FHL2: variants seen among roughly 807,000 people sequenced by gnomAD.
The protein encoded by FHL2 is four and a half LIM domains protein 2.
A neutral mutation model predicts 32.7 loss-of-function variants in FHL2; 20 were observed. The ratio of observed to expected loss-of-function variants is 0.61; its 90% CI spans 0.43 to 0.89. The LOEUF is 0.89. Among genes scored for constraint, FHL2 ranks in the 40% least tolerant of loss-of-function variants. The pLI is 0.00. For missense variants in FHL2, 311 were observed against 358.6 expected (o/e 0.87, Z 1.07); for synonymous variants, 123 against 128.1 (o/e 0.96, Z 0.27).
intron 5 of FHL2, among the ~76,000 whole-genome samples, chr2:105,365,868 A>C (rs1450566318): frequency 6.6e-6 from 1 of 151,990 alleles, no homozygotes; most frequent in African/African-American, 2.4e-5. Flanking sequence ...CAGAAGCATA[A>C]AAGGAGAGGA....
chr2:105,400,936 G>A (rs367831477), upstream of FHL2, among the ~76,000 whole-genome samples: 6 of 151,498 alleles, frequency 4.0e-5, no homozygotes, highest in East Asian at 3.9e-4. Flanking sequence ...AGTAAAATCC[G>A]GACTCTGGAA....
In FHL2 at chr2:105,410,710, C is replaced by T. The variant is rs114203116; in HGVS notation, c.-24-24170G>A. On this transcript the variant is annotated intron_variant, in intron 1 of 5. Transcript: ENST00000393352. ...AGCAGAGGGAAGTGTGTGGTATGTG[C>T]GTCTTCCTGTATCAGCTTGTGTTTC... 3.2e-3 allele frequency among the ~76,000 whole-genome samples: 486 copies of T among 152,136 alleles called. 6 individuals are homozygous for T. Among genetic ancestry groups the T allele is most frequent in the African/African-American group, 0.011 (463 of 41,492 alleles).
chr2:105,388,775 A>G (rs929701008), intron 2 of FHL2, among the ~76,000 whole-genome samples: 1 of 152,038 alleles, frequency 6.6e-6, no homozygotes, highest in Non-Finnish European at 1.5e-5. Flanking sequence ...TGGAGGTTGC[A>G]GTGAGCTGAG....
chr2:105,417,684 C>CAAAAAAAAAAAAAAAAAAA (rs11353319), intron 1 of FHL2, among the ~76,000 whole-genome samples: 1 of 89,396 alleles, frequency 1.1e-5, no homozygotes, highest in Non-Finnish European at 2.2e-5. Context: ...ACTCCATCTC[C>CAAAAAAAAAAAAAAAAAAA]AAAAAAAAAA....
chr2:105,407,174 C>T (rs1683658867), intron 1 of FHL2, among the ~76,000 whole-genome samples: 1 of 152,132 alleles, frequency 6.6e-6, no homozygotes, highest in African/African-American at 2.4e-5. Context: ...GGGTGGATCA[C>T]AAGGTCAAGA....
intron 3 of FHL2, among the ~76,000 whole-genome samples, chr2:105,383,465 TAGAG>T (rs1251926288): frequency 1.3e-5 from 2 of 152,236 alleles, no homozygotes; most frequent in African/African-American, 2.4e-5. Flanking sequence ...AGTGGCTACA[TAGAG>T]AGGATGTTCA....
downstream of FHL2, chr2:105,360,301 C>CA (rs878876756): frequency 0.19 from 18,929 of 100,862 alleles, 1,625 homozygotes; most frequent in Admixed American, 0.25. Context: ...GACTCTGTCT[C>CA]AAAAAAAAAA....
chr2:105,428,700 T>C (rs1419664523), intron 1 of FHL2, among the ~76,000 whole-genome samples: 1 of 152,188 alleles, frequency 6.6e-6, no homozygotes, highest in East Asian at 1.9e-4. Context: ...GTTGCCACGC[T>C]CTCCCTGGTC....
chr2:105,430,332 A>G (rs6750100), intron 1 of FHL2, among the ~76,000 whole-genome samples: 49,845 of 152,016 alleles, frequency 0.33, 8,467 homozygotes, highest in African/African-American at 0.43. Context: ...CCTCCCTTAA[A>G]GCAGGTCAGA....
chr2:105,427,690 G>C (rs1573408300), intron 1 of FHL2, among the ~76,000 whole-genome samples: 1 of 152,176 alleles, frequency 6.6e-6, no homozygotes, highest in African/African-American at 2.4e-5. Context: ...GAGAGTGTTT[G>C]AGGTTGCAGG....
intron 1 of FHL2, among the ~76,000 whole-genome samples, chr2:105,429,048 C>A (rs931747478): frequency 2.6e-5 from 4 of 152,164 alleles, no homozygotes; most frequent in Non-Finnish European, 5.9e-5. Context: ...CTTTGGCGTC[C>A]TATACTGCAG....
intron 1 of FHL2, among the ~76,000 whole-genome samples, chr2:105,433,942 G>A (rs60670857): frequency 0.022 from 3,381 of 152,174 alleles, 61 homozygotes; most frequent in East Asian, 0.1. Context: ...AGAGAAGTGA[G>A]GTAGCCCTTG....
intron 3 of FHL2, among the ~76,000 whole-genome samples, chr2:105,382,862 T>TG (rs1482639359): frequency 1.3e-5 from 2 of 152,176 alleles, no homozygotes; most frequent in Non-Finnish European, 2.9e-5. Context: ...AGCAGCTGTC[T>TG]CTGGAGTTAT....
At chr2:105,395,986 T>C (rs1683099385) in intron 2 of FHL2, among the ~76,000 whole-genome samples, 1 of 152,038 alleles carries the variant, frequency 6.6e-6, no homozygotes, top group East Asian at 1.9e-4. Flanking sequence ...GACATCCCCA[T>C]GCAGAGAGCA....
intron 1 of FHL2, among the ~76,000 whole-genome samples, chr2:105,428,164 T>G (rs892624744): frequency 6.6e-6 from 1 of 152,202 alleles, no homozygotes; most frequent in Non-Finnish European, 1.5e-5. Flanking sequence ...CTTTCCCACC[T>G]GGAGGAACAA....
intron 4 of FHL2, among the ~76,000 whole-genome samples, chr2:105,371,925 C>T (rs924639400): frequency 3.3e-5 from 5 of 152,106 alleles, no homozygotes; most frequent in African/African-American, 1.2e-4. Context: ...TTTGCACTGT[C>T]GCACAGCACT....
chr2:105,410,352 A>G (rs951660200), intron 1 of FHL2, among the ~76,000 whole-genome samples: 1 of 152,240 alleles, frequency 6.6e-6, no homozygotes, highest in Non-Finnish European at 1.5e-5. Context: ...CATAGCTGCA[A>G]AATGAATTAT....
At position 105,363,397 on chromosome 2, in the gene FHL2, C is replaced by A; in HGVS notation, c.576G>T (p.Arg192Ser). Residue 192 changes from arginine to serine, a missense_variant, in exon 6 of 7, where the codon AGG becomes AGT. By Grantham distance (110) the Arg-to-Ser change is moderately radical (BLOSUM62 -1). Coordinates refer to ENST00000530340, the MANE Select transcript of FHL2 (RefSeq NM_001318895.3). The stretch of plus-strand genomic sequence containing the variant: ...TGAAGCGCTGCCCAGACAGCTGCTT[C>A]CTGCAGGCGGTGCACACGAAGCACT... ...HKECFVCTAC[R>S]KQLSGQRFTA... The A allele has an allele frequency of 1.2e-6, 2 of 1,613,806 alleles. No homozygotes were observed. Among genetic ancestry groups the A allele is most frequent in the Non-Finnish European group, 1.7e-6 (2 of 1,179,892 alleles).
chr2:105,421,586 A>G (rs59417559), intron 1 of FHL2, among the ~76,000 whole-genome samples: 1 of 143,384 alleles, frequency 7.0e-6, no homozygotes, highest in Non-Finnish European at 1.5e-5. Flanking sequence ...AATGCTCCAG[A>G]TGAAAGAAAT....
Sources: allele counts gnomAD v4.1 joint callset (sites outside exome capture counted in the v4.1 genomes callset), GRCh38; gene constraint gnomAD v4.1.1; transcripts MANE v1.5; gene names NCBI Gene and HGNC (gene_info 2026-07-23, HGNC 2026-07-21).